Variants in GDF1 observed in about 807,000 individuals in gnomAD.
GDF1 encodes embryonic growth/differentiation factor 1.
GDF1 carries 8 observed loss-of-function variants against 7.4 expected under a neutral mutation model. The ratio of observed to expected loss-of-function variants is 1.09; its 90% CI spans 0.64 to 1.96. The LOEUF is 1.96. GDF1 is among the 30% of genes most tolerant of loss of function. GDF1 has a pLI of 0.00. For synonymous variants in GDF1, 311 were observed against 276.7 expected (o/e 1.12, Z -1.23); for missense variants, 574 against 551.5 (o/e 1.04, Z -0.41).
chr19:18,886,208 C>T (rs548344558), intron 2 of GDF1, among the ~76,000 whole-genome samples: 1 of 151,818 alleles, frequency 6.6e-6, no homozygotes, highest in African/African-American at 2.4e-5. Context: ...GAGTTCGAGA[C>T]CAGCCTGGAC....
Position 18,878,358 on chromosome 19 carries a change from G to C in GDF1, c.-313+572C>G. ...TCTGGCTGTCACCCAGGGCTGGTGAGGCTCGTGGGCTATCTCCTTCCCCAG... is the reference window on the plus strand; with the variant it reads ...TCTGGCTGTCACCCAGGGCTGGTGACGCTCGTGGGCTATCTCCTTCCCCAG... On this transcript the variant is annotated intron_variant, in intron 6 of 7. Transcript: ENST00000247005. This position sits in a 1 kb window ranked among gnomAD's most constrained non-coding sequence, Gnocchi z 4.6. The C allele has an allele frequency of 1.0e-6, 1 of 986,216 alleles. No individual in the cohort carries two copies. Among genetic ancestry groups the C allele is most frequent in the South Asian group, 4.7e-5 (1 of 21,336 alleles). 61.1% of individuals were successfully genotyped at this position (986,216 alleles called of 1,614,324 possible). A position where few individuals can be genotyped will look rare whatever the true frequency, so the allele number is the denominator to read the frequency against.
chr19:18,886,993 G>C (rs2056377592), intron 2 of GDF1, among the ~76,000 whole-genome samples: 1 of 152,188 alleles, frequency 6.6e-6, no homozygotes, highest in Admixed American at 6.5e-5. Context: ...CGGTCACCAT[G>C]ACCCAGCAAG....
chr19:18,878,812 G>C lies in GDF1; in HGVS notation c.-313+118C>G, dbSNP rs911875151. ...CAGTCTCTGTTTTGGAGTAGGCTTG[G>C]GGGGCAGCATCCGCGTCGGCCTCAT... is the stretch of plus-strand genomic sequence containing the variant. On this transcript the variant is annotated intron_variant, in intron 6 of 7. Transcript: ENST00000247005. The surrounding 1 kb of genome is among the most constrained non-coding windows in gnomAD (Gnocchi z 4.6). 1.5e-5 allele frequency: 23 copies of C among 1,492,820 alleles called. No homozygotes were observed. Among genetic ancestry groups the C allele is most frequent in the Non-Finnish European group, 1.9e-5 (21 of 1,121,840 alleles). The allele number at this position is 1,492,820 out of a possible 1,614,324, so 92.5% of individuals were successfully genotyped here.
In GDF1 at chr19:18,874,270, A is replaced by T. The variant is rs1165439606; in HGVS notation, c.-312-3651T>A. ...AACCCTCAGGAGAGAAGATGCTCCTACATGGGCCAGATGTAGGTGCTGAAG... is the reference window on the plus strand; with the variant it reads ...AACCCTCAGGAGAGAAGATGCTCCTTCATGGGCCAGATGTAGGTGCTGAAG... On this transcript the variant is annotated intron_variant, in intron 6 of 7. Coordinates refer to ENST00000247005, the MANE Select transcript of GDF1 (RefSeq NM_001492.6). Among the ~76,000 whole-genome samples, 11 of 152,186 alleles carry T rather than the reference A, an allele frequency of 7.2e-5. No homozygotes were observed. The East Asian group carries it at 2.1e-3, about 29-fold the overall frequency.
Position 18,870,562 on chromosome 19 carries a change from G to A in GDF1, c.-255C>T. On this transcript the variant is annotated 5_prime_UTR_variant, in exon 7 of 8. Transcript: ENST00000247005. This position sits in a 1 kb window ranked among gnomAD's most constrained non-coding sequence, Gnocchi z 5.1. ...TCGGGGTGGGGCCGGGTCCACGGGGGCGGGGCCGAGGGGTTCAGAAGCGCT... is the reference window on the plus strand; with the variant it reads ...TCGGGGTGGGGCCGGGTCCACGGGGACGGGGCCGAGGGGTTCAGAAGCGCT... 5.4e-6 allele frequency: 3 copies of A among 557,342 alleles called. No homozygotes were observed. The highest frequency in any genetic ancestry group is 3.2e-5 in the East Asian group (1 of 31,682). The allele number at this position is 557,342 out of a possible 1,614,324, so 34.5% of individuals were successfully genotyped here.
Position 18,870,634 on chromosome 19 carries a change from C to T in GDF1, c.-312-15G>A. On this transcript the variant is annotated splice_polypyrimidine_tract_variant and intron_variant, in intron 6 of 7. Coordinates refer to ENST00000247005, the MANE Select transcript of GDF1 (RefSeq NM_001492.6). The surrounding 1 kb of genome is among the most constrained non-coding windows in gnomAD (Gnocchi z 5.1). Reference sequence around the variant, plus strand: ...TCAGTGGCTTCCTGGGGGTCAGAACCGGCGCAGGTTAGCCTGGGAGCCCCA... The same window carrying T: ...TCAGTGGCTTCCTGGGGGTCAGAACTGGCGCAGGTTAGCCTGGGAGCCCCA... The T allele has an allele frequency of 1.8e-6, 1 of 559,720 alleles. No homozygotes were observed. Among genetic ancestry groups the T allele is most frequent in the Non-Finnish European group, 3.2e-6 (1 of 309,400 alleles). The allele number at this position is 559,720 out of a possible 1,614,324, so 34.7% of individuals were successfully genotyped here. A position where few individuals can be genotyped will look rare whatever the true frequency, so the allele number is the denominator to read the frequency against.
rs1006663748 is a variant in GDF1, at chr19:18,883,806, G to C, written c.-733+281C>G. On this transcript the variant is annotated intron_variant, in intron 3 of 7. Coordinates refer to ENST00000247005, the MANE Select transcript of GDF1 (RefSeq NM_001492.6). Reference sequence around the variant, plus strand: ...GGTCAAGGGCAGCGTCTGAAGAGCTGGGTGGGTGAGTGGGGTGGGGTGGCT... The same window carrying C: ...GGTCAAGGGCAGCGTCTGAAGAGCTCGGTGGGTGAGTGGGGTGGGGTGGCT... Among the ~76,000 whole-genome samples the C allele has an allele frequency of 3.9e-5, 6 of 152,326 alleles. No individual in the cohort carries two copies. In the South Asian group the frequency reaches 1.2e-3, roughly 32 times the overall value.
chr19:18,880,574 C>G, intron 3 of GDF1, 139 bp from the exon 4 acceptor site: 1 of 771,530 alleles, frequency 1.3e-6, no homozygotes, highest in South Asian at 2.1e-5. Flanking sequence ...CCTGCCTCGC[C>G]TGCCCTGCCC....
In GDF1 at chr19:18,895,840, G is replaced by C; in HGVS notation, c.-1090C>G. 1 of 1,294,956 alleles carries C rather than the reference G, an allele frequency of 7.7e-7. No individual in the cohort carries two copies. Among genetic ancestry groups the C allele is most frequent in the South Asian group, 2.0e-5 (1 of 51,052 alleles). 80.2% of individuals were successfully genotyped at this position (1,294,956 alleles called of 1,614,324 possible). A position where few individuals can be genotyped will look rare whatever the true frequency, so the allele number is the denominator to read the frequency against. The stretch of plus-strand genomic sequence containing the variant: ...CACACTGACCCGAAAGAGGCGCGCA[G>C]TGGCCGCGGAGCGCAGGGCGGTCCA... On this transcript the variant is annotated 5_prime_UTR_variant, in exon 1 of 8. Coordinates refer to ENST00000247005, the MANE Select transcript of GDF1 (RefSeq NM_001492.6). This position sits in a 1 kb window ranked among gnomAD's most constrained non-coding sequence, Gnocchi z 6.4.
chr19:18,873,042 G>A (rs937150273), intron 6 of GDF1, among the ~76,000 whole-genome samples: 8 of 152,162 alleles, frequency 5.3e-5, no homozygotes, highest in African/African-American at 1.9e-4. Context: ...GAAGGATGAT[G>A]CAGGCACTTT....
Position 18,868,782 on chromosome 19 carries a change from GC to G in GDF1, c.933del (p.Pro312ArgfsTer73), listed in dbSNP as rs1213194580. 25 of 1,464,364 alleles carry G rather than the reference GC, an allele frequency of 1.7e-5. No individual in the cohort carries two copies. In the East Asian group the frequency reaches 2.2e-4, roughly 13 times the overall value. 90.7% of individuals were successfully genotyped at this position (1,464,364 alleles called of 1,614,324 possible). A position where few individuals can be genotyped will look rare whatever the true frequency, so the allele number is the denominator to read the frequency against. On this transcript the variant is annotated frameshift_variant, in exon 8 of 8. Coordinates refer to ENST00000247005, the MANE Select transcript of GDF1 (RefSeq NM_001492.6). LOFTEE classifies it low-confidence loss of function (END_TRUNC). ...ALPVALSGSG[G>X]PPALNHAVLR... ...AGCACAGCGTGGTTGAGCGCCGGCG[GC>G]CCCCCGGACCCCGACAGCGCGACGG...
At chr19:18,883,763 T>C (rs2056274962) in intron 3 of GDF1, among the ~76,000 whole-genome samples, 1 of 151,740 alleles carries the variant, frequency 6.6e-6, no homozygotes. Context: ...CAGGAACTCC[T>C]GGGTGTGTGA....
At position 18,878,311 on chromosome 19, in the gene GDF1, A is replaced by T; in HGVS notation, c.-313+619T>A. ...GGCCCAGACACCCCCTGCCTGCCCCAGGCCTGGGGCTTCGGACACCATCTG... is the reference window on the plus strand; with the variant it reads ...GGCCCAGACACCCCCTGCCTGCCCCTGGCCTGGGGCTTCGGACACCATCTG... On this transcript the variant is annotated intron_variant, in intron 6 of 7. Transcript: ENST00000247005. This position sits in a 1 kb window ranked among gnomAD's most constrained non-coding sequence, Gnocchi z 4.6. 1.0e-6 allele frequency: 1 copy of T among 983,916 alleles called. No individual in the cohort carries two copies. The highest frequency in any genetic ancestry group is 1.2e-6 in the Non-Finnish European group (1 of 829,726). The allele number at this position is 983,916 out of a possible 1,614,324, so 60.9% of individuals were successfully genotyped here. A position where few individuals can be genotyped will look rare whatever the true frequency, so the allele number is the denominator to read the frequency against.
Position 18,876,823 on chromosome 19 carries a change from C to T in GDF1, c.-313+2107G>A, listed in dbSNP as rs181264491. On this transcript the variant is annotated intron_variant, in intron 6 of 7. Coordinates refer to ENST00000247005, the MANE Select transcript of GDF1 (RefSeq NM_001492.6). The stretch of plus-strand genomic sequence containing the variant: ...GCACATGGGTTGCAGCTAAAGAAAC[C>T]GACATTGGTGCTTTGCTATTAACTA... Among the ~76,000 whole-genome samples, 142 of 152,308 alleles carry T rather than the reference C, an allele frequency of 9.3e-4. 1 individual carries two copies. Among genetic ancestry groups the T allele is most frequent in the African/African-American group, 3.3e-3 (136 of 41,570 alleles).
intron 2 of GDF1, among the ~76,000 whole-genome samples, chr19:18,886,232 G>T (rs1260093171): frequency 6.6e-6 from 1 of 150,478 alleles, no homozygotes; most frequent in South Asian, 2.1e-4. Context: ...ATGGTGAGAC[G>T]CTGTCTCTGC....
intron 6 of GDF1, among the ~76,000 whole-genome samples, chr19:18,872,339 T>C (rs182992507): frequency 2.0e-5 from 3 of 152,264 alleles, no homozygotes; most frequent in Admixed American, 1.3e-4. Flanking sequence ...TTCTCTGTTA[T>C]CTTTTTTTCT....
chr19:18,884,858 C>T lies in GDF1; in HGVS notation c.-913-591G>A, dbSNP rs1285668030. Among the ~76,000 whole-genome samples the T allele has an allele frequency of 3.3e-5, 5 of 151,650 alleles. No homozygotes were observed. In the South Asian group the frequency reaches 8.4e-4, roughly 25 times the overall value. On this transcript the variant is annotated intron_variant, in intron 2 of 7. Transcript: ENST00000247005. ...CCTCCAGAGTAGCTGGGATTACAGG[C>T]GCTGGACACCATGCCCGGCTAATTT... is the stretch of plus-strand genomic sequence containing the variant.
At chr19:18,888,148 T>A (rs1294995957) in intron 2 of GDF1, among the ~76,000 whole-genome samples, 1 of 152,054 alleles carries the variant, frequency 6.6e-6, no homozygotes, top group East Asian at 1.9e-4. Flanking sequence ...TCACTTGAGG[T>A]CAGAAGTTCA....
At chr19:18,884,643 A>G (rs373896836) in intron 2 of GDF1, among the ~76,000 whole-genome samples, 4 of 148,208 alleles carry the variant, frequency 2.7e-5, no homozygotes, top group African/African-American at 1.0e-4. Context: ...TCCTGACCTC[A>G]TGATTCACCT....
Sources: allele counts gnomAD v4.1 joint callset (sites outside exome capture counted in the v4.1 genomes callset), GRCh38; gene constraint gnomAD v4.1.1; non-coding constraint Gnocchi (gnomAD v3.1); transcripts MANE v1.5; gene names NCBI Gene and HGNC (gene_info 2026-07-23, HGNC 2026-07-21).